Variants in SAMD5 observed in about 807,000 individuals in gnomAD.
SAMD5 encodes the protein sterile alpha motif domain-containing protein 5.
SAMD5 carries 13 observed loss-of-function variants against 11.3 expected under a neutral mutation model. That is an observed-to-expected ratio of 1.15 (90% CI 0.75 to 1.83). The LOEUF (loss-of-function observed/expected upper bound fraction) is 1.83. SAMD5 is among the 40% of genes most tolerant of loss of function. SAMD5 has a pLI of 0.00. For synonymous variants in SAMD5, 129 were observed against 111.3 expected (o/e 1.16, Z -1.00); for missense variants, 255 against 239.1 (o/e 1.07, Z -0.44).
chr6:147,720,520 T>C (rs1388793055), intron 1 of SAMD5, among the ~76,000 whole-genome samples: 1 of 151,826 alleles, frequency 6.6e-6, no homozygotes, highest in African/African-American at 2.4e-5. Flanking sequence ...ACATATTCTA[T>C]TCTACCTTGT....
chr6:147,687,384 G>A (rs73014005), intron 1 of SAMD5, among the ~76,000 whole-genome samples: 17,154 of 147,628 alleles, frequency 0.12, 1,073 homozygotes, highest in African/African-American at 0.16. Context: ...CCGGGTTCAA[G>A]TCCTACCTCA....
the SAMD5 span, among the ~76,000 whole-genome samples, chr6:147,749,455 G>T: frequency 3.3e-5 from 5 of 152,060 alleles, no homozygotes; most frequent in Non-Finnish European, 7.4e-5. Context: ...GGTGTGAGCC[G>T]CTGTGCCCAA....
intron 1 of SAMD5, among the ~76,000 whole-genome samples, chr6:147,630,895 C>T (rs759294144): frequency 3.3e-5 from 5 of 152,052 alleles, no homozygotes; most frequent in African/African-American, 4.8e-5. Context: ...GTGATGGACT[C>T]GGGAAGACAG....
intron 1 of SAMD5, among the ~76,000 whole-genome samples, chr6:147,562,270 G>A (rs149088402): frequency 8.3e-4 from 126 of 152,260 alleles, no homozygotes; most frequent in Non-Finnish European, 1.2e-3. Context: ...CTGACTTCAG[G>A]CAGAAGTCTG....
intron 1 of SAMD5, among the ~76,000 whole-genome samples, chr6:147,630,096 T>G (rs1183708480): frequency 9.2e-5 from 14 of 151,740 alleles, no homozygotes; most frequent in Admixed American, 9.2e-4. Context: ...ATTACAGGCA[T>G]GCACTGCCAC....
At chr6:147,696,825 G>A (rs955856574) in intron 1 of SAMD5, among the ~76,000 whole-genome samples, 10 of 152,150 alleles carry the variant, frequency 6.6e-5, no homozygotes, top group Admixed American at 3.3e-4. Flanking sequence ...TATAGGGTGC[G>A]TTCCATTAAC....
At chr6:147,699,596 A>T (rs912593674) in intron 1 of SAMD5, among the ~76,000 whole-genome samples, 1 of 152,210 alleles carries the variant, frequency 6.6e-6, no homozygotes, top group Non-Finnish European at 1.5e-5. Context: ...TTTAACTAAG[A>T]GTCCTGATCT....
the SAMD5 span, among the ~76,000 whole-genome samples, chr6:147,901,702 C>T: frequency 5.2e-4 from 79 of 152,212 alleles, no homozygotes; most frequent in Non-Finnish European, 7.2e-4. Flanking sequence ...TTGGAAGCTT[C>T]GATAGGTATA....
chr6:147,580,804 A>G (rs938931061), intron 1 of SAMD5, among the ~76,000 whole-genome samples: 1 of 141,856 alleles, frequency 7.0e-6, no homozygotes, highest in African/African-American at 2.7e-5. Flanking sequence ...TCTTTTTTGC[A>G]GCTAAACTAT....
At chr6:147,671,150 A>G (rs895103651) in intron 1 of SAMD5, among the ~76,000 whole-genome samples, 3 of 152,210 alleles carry the variant, frequency 2.0e-5, no homozygotes, top group Non-Finnish European at 4.4e-5. Flanking sequence ...CAGTCAGAAC[A>G]CATATTTATT....
the SAMD5 span, among the ~76,000 whole-genome samples, chr6:147,902,486 T>G: frequency 6.6e-6 from 1 of 152,176 alleles, no homozygotes. Context: ...TTTCTCCAAC[T>G]AATTTTTTGA....
intron 1 of SAMD5, among the ~76,000 whole-genome samples, chr6:147,723,891 G>A (rs564208046): frequency 1.3e-5 from 2 of 152,248 alleles, no homozygotes; most frequent in East Asian, 1.9e-4. Context: ...TAAGGTGAGA[G>A]TAATATTCTT....
At chr6:147,774,872 C>G in the SAMD5 span, among the ~76,000 whole-genome samples, 1 of 151,914 alleles carries the variant, frequency 6.6e-6, no homozygotes, top group Non-Finnish European at 1.5e-5. Flanking sequence ...CCCTTCACAC[C>G]CACCTCCTCT....
chr6:147,903,887 G>A, the SAMD5 span, among the ~76,000 whole-genome samples: 13 of 148,858 alleles, frequency 8.7e-5, no homozygotes, highest in South Asian at 2.1e-4. Flanking sequence ...CAGCCTGGGC[G>A]ACAGAGTGAG....
intron 1 of SAMD5, among the ~76,000 whole-genome samples, chr6:147,534,613 G>T (rs1788480339): frequency 6.6e-6 from 1 of 152,146 alleles, no homozygotes; most frequent in South Asian, 2.1e-4. Flanking sequence ...CCAGGAGTTA[G>T]GGTTAAAATC....
At chr6:147,848,310 A>T in the SAMD5 span, among the ~76,000 whole-genome samples, 6 of 152,134 alleles carry the variant, frequency 3.9e-5, no homozygotes, top group Admixed American at 3.9e-4. Context: ...ATTTCTCAGG[A>T]TTCTGAACTC....
intron 1 of SAMD5, among the ~76,000 whole-genome samples, chr6:147,581,580 G>A (rs1789298630): frequency 6.6e-6 from 1 of 152,168 alleles, no homozygotes; most frequent in Non-Finnish European, 1.5e-5. Context: ...CACCGAGGAT[G>A]AAAGGGGAGA....
the SAMD5 span, among the ~76,000 whole-genome samples, chr6:147,772,148 C>T: frequency 2.0e-5 from 3 of 152,118 alleles, no homozygotes; most frequent in South Asian, 2.1e-4. Flanking sequence ...ACTAAATATT[C>T]GCTTGCAATT....
At chr6:147,546,713 G>C (rs555147555) in intron 1 of SAMD5, among the ~76,000 whole-genome samples, 1 of 152,262 alleles carries the variant, frequency 6.6e-6, no homozygotes, top group East Asian at 1.9e-4. Flanking sequence ...ACAGAGTTTT[G>C]TCTGCTGTAG....
Sources: gnomAD v4.1 joint callset for allele counts (sites outside exome capture counted in the v4.1 genomes callset) on GRCh38, gnomAD v4.1.1 for gene constraint, MANE v1.5 for transcripts, NCBI Gene and HGNC (gene_info 2026-07-23, HGNC 2026-07-21) for gene names.